FRMPD4: variants seen among roughly 807,000 people sequenced by gnomAD.
The protein encoded by FRMPD4 is FERM and PDZ domain-containing protein 4.
A neutral mutation model predicts 94.1 loss-of-function variants in FRMPD4; 22 were observed. The observed-to-expected ratio is 0.23, with a 90% CI of 0.17 to 0.33. The LOEUF is 0.33. FRMPD4 is among the 10% of genes least tolerant of loss of function. FRMPD4 has a pLI of 1.00. For synonymous variants in FRMPD4, 631 were observed against 548.6 expected, an observed-to-expected ratio of 1.15 and a Z score of -2.10; for missense variants, 1,111 against 1,339.9, an observed-to-expected ratio of 0.83 and a Z score of 2.67.
At chrX:12,213,726 G>C (rs2056777339) in intron 1 of FRMPD4, among the ~76,000 whole-genome samples, 1 of 112,000 alleles carries the variant, frequency 8.9e-6, no homozygotes, top group Non-Finnish European at 1.9e-5. Flanking sequence ...TTCATATACT[G>C]TCTTTTACAT....
intron 3 of FRMPD4, among the ~76,000 whole-genome samples, chrX:11,989,861 G>A (rs1008496019): frequency 3.6e-5 from 4 of 111,813 alleles, no homozygotes; most frequent in Non-Finnish European, 5.7e-5. Context: ...TTGCTGGTGG[G>A]AATGTAAAAT....
intron 1 of FRMPD4, among the ~76,000 whole-genome samples, chrX:12,191,370 A>G (rs1002755056): frequency 8.9e-6 from 1 of 111,931 alleles, no homozygotes; most frequent in African/African-American, 3.2e-5. Context: ...CTCTTACCAT[A>G]CGATCCAGCA....
intron 3 of FRMPD4, among the ~76,000 whole-genome samples, chrX:11,904,694 T>G (rs2053958226): frequency 8.9e-6 from 1 of 111,972 alleles, no homozygotes; most frequent in African/African-American, 3.3e-5. Context: ...TTTAAGAATA[T>G]CAGCAATTAC....
intron 3 of FRMPD4, among the ~76,000 whole-genome samples, chrX:11,978,321 C>CAAAAAAAAAAAA (rs1172824155): frequency 6.1e-5 from 1 of 16,365 alleles, no homozygotes; most frequent in Admixed American, 1.4e-3. Context: ...AACTCCATCT[C>CAAAAAAAAAAAA]AAAAAAAAAA....
intron 16 of FRMPD4, among the ~76,000 whole-genome samples, chrX:12,720,049 G>GA (rs761950055): frequency 1.0e-3 from 41 of 39,580 alleles, no homozygotes; most frequent in African/African-American, 5.0e-3. Context: ...GGAAAGGAAA[G>GA]GAAAGAAAGA....
intron 1 of FRMPD4, among the ~76,000 whole-genome samples, chrX:12,201,065 A>G (rs542291350): frequency 8.9e-6 from 1 of 112,278 alleles, no homozygotes; most frequent in Admixed American, 9.4e-5. Flanking sequence ...TCAGAATCAG[A>G]TCACTTGGAA....
intron 2 of FRMPD4, among the ~76,000 whole-genome samples, chrX:12,529,288 A>G (rs2058260476): frequency 8.8e-6 from 1 of 113,025 alleles, no homozygotes; most frequent in Non-Finnish European, 1.9e-5. Context: ...GGGCCTCCCC[A>G]GCATAACTGT....
chrX:12,177,742 C>T (rs1444533793), intron 1 of FRMPD4, among the ~76,000 whole-genome samples: 1 of 112,173 alleles, frequency 8.9e-6, no homozygotes, highest in Non-Finnish European at 1.9e-5. Context: ...GGGCCAGTCA[C>T]TGGAGGTATA....
At chrX:12,419,097 C>T (rs189441504) in intron 1 of FRMPD4, among the ~76,000 whole-genome samples, 1 of 111,827 alleles carries the variant, frequency 8.9e-6, no homozygotes, top group East Asian at 2.8e-4. Flanking sequence ...TGACCCCTCC[C>T]TCCTCCTGTA....
At chrX:11,988,362 C>T (rs1288902216) in intron 3 of FRMPD4, among the ~76,000 whole-genome samples, 2 of 111,797 alleles carry the variant, frequency 1.8e-5, no homozygotes, top group East Asian at 2.8e-4. Flanking sequence ...CAATAAATAG[C>T]ACTGGGAAAA....
chrX:12,117,318 G>T (rs1352876529), intron 3 of FRMPD4, among the ~76,000 whole-genome samples: 1 of 110,756 alleles, frequency 9.0e-6, no homozygotes, highest in African/African-American at 3.3e-5. Flanking sequence ...TAGTTTTGGG[G>T]ATACGGGTGG....
chrX:12,231,013 T>TGTATATATATATATATATATATATATAAA (rs1211768376), intron 1 of FRMPD4, among the ~76,000 whole-genome samples: 2 of 54,556 alleles, frequency 3.7e-5, no homozygotes, highest in African/African-American at 1.4e-4. Flanking sequence ...ATATATAGTA[T>TGTATATATATATATATATATATATATAAA]ATATAGTATA....
intron 3 of FRMPD4, among the ~76,000 whole-genome samples, chrX:11,908,462 T>G (rs937602358): frequency 2.7e-5 from 3 of 112,292 alleles, no homozygotes. Context: ...ACTAACAGAG[T>G]TATGGACTTT....
At chrX:11,877,718 C>T (rs1195679160) in intron 2 of FRMPD4, among the ~76,000 whole-genome samples, 1 of 112,261 alleles carries the variant, frequency 8.9e-6, no homozygotes, top group African/African-American at 3.2e-5. Context: ...TCTCTTGGAG[C>T]ACGTGATTGT....
chrX:12,671,205 T>C (rs145746545), intron 4 of FRMPD4, among the ~76,000 whole-genome samples: 256 of 111,694 alleles, frequency 2.3e-3, no homozygotes, highest in African/African-American at 7.4e-3. Context: ...GAACTAGAAA[T>C]ACCATTTGAC....
chrX:12,591,121 A>G (rs1189539141), intron 2 of FRMPD4, among the ~76,000 whole-genome samples: 1 of 111,887 alleles, frequency 8.9e-6, no homozygotes, highest in Non-Finnish European at 1.9e-5. Flanking sequence ...CAAAACTTAA[A>G]TACTAATAGC....
At chrX:12,539,748 C>A (rs1169271903) in intron 2 of FRMPD4, among the ~76,000 whole-genome samples, 1 of 110,694 alleles carries the variant, frequency 9.0e-6, no homozygotes, top group Non-Finnish European at 1.9e-5. Flanking sequence ...ATTCTCCTGC[C>A]TCAGCCTCCC....
intron 3 of FRMPD4, among the ~76,000 whole-genome samples, chrX:11,880,977 C>T (rs1478221766): frequency 8.9e-6 from 1 of 112,045 alleles, no homozygotes; most frequent in Non-Finnish European, 1.9e-5. Context: ...TTAAATGAGG[C>T]AAAACAACAA....
intron 1 of FRMPD4, among the ~76,000 whole-genome samples, chrX:12,218,092 A>G (rs2056826927): frequency 8.9e-6 from 1 of 111,849 alleles, no homozygotes; most frequent in Non-Finnish European, 1.9e-5. Flanking sequence ...AATTTTGGTC[A>G]TTAGTGTTCA....
Sources: allele counts gnomAD v4.1 joint callset (sites outside exome capture counted in the v4.1 genomes callset), GRCh38; gene constraint gnomAD v4.1.1; transcripts MANE v1.5; gene names NCBI Gene and HGNC (gene_info 2026-07-23, HGNC 2026-07-21).